Variants in KCNC2 observed in about 807,000 individuals in gnomAD.
KCNC2 encodes the protein voltage-gated potassium channel KCNC2.
Under a neutral mutation model 44.5 loss-of-function variants are expected in KCNC2, and 21 were observed. That is an observed-to-expected ratio of 0.47 (90% CI 0.33 to 0.68). The LOEUF is 0.68. KCNC2 is among the 30% of genes least tolerant of loss of function. The pLI is 0.01. For synonymous variants in KCNC2, 391 were observed against 339.1 expected (o/e 1.15, Z -1.68); for missense variants, 589 against 826.2 (o/e 0.71, Z 3.52).
chr12:75,179,739 C>G (rs115282256), intron 2 of KCNC2, among the ~76,000 whole-genome samples: 8,514 of 91,444 alleles, frequency 0.093, 4 homozygotes, highest in Middle Eastern at 0.21. Context: ...AGATATAAAA[C>G]TAGTTTTATA....
At chr12:75,194,265 G>A (rs761520160) in intron 2 of KCNC2, among the ~76,000 whole-genome samples, 11 of 152,244 alleles carry the variant, frequency 7.2e-5, no homozygotes, top group Non-Finnish European at 1.2e-4. Flanking sequence ...CTGATAAGAA[G>A]AGAAAACAGA....
intron 2 of KCNC2, among the ~76,000 whole-genome samples, chr12:75,147,790 C>T (rs964840021): frequency 6.6e-6 from 1 of 152,028 alleles, no homozygotes; most frequent in African/African-American, 2.4e-5. Context: ...AAGCTCTAGC[C>T]ATGAAGAGAC....
chr12:75,128,193 G>A (rs914001059), intron 2 of KCNC2, among the ~76,000 whole-genome samples: 27 of 152,090 alleles, frequency 1.8e-4, no homozygotes, highest in African/African-American at 6.5e-4. Flanking sequence ...CCTTATTTCT[G>A]CAGAAAATTG....
intron 4 of KCNC2, chr12:75,043,868 G>T (rs962613740): frequency 9.3e-6 from 10 of 1,069,714 alleles, no homozygotes; most frequent in Non-Finnish European, 1.3e-5. Context: ...TATAAATTAA[G>T]TCATAATTTC....
chr12:75,099,985 C>T lies in KCNC2; in HGVS notation c.688-48668G>A, dbSNP rs545761182. On this transcript the variant is annotated intron_variant, in intron 2 of 4. Coordinates refer to ENST00000549446, the MANE Select transcript of KCNC2 (RefSeq NM_139137.4). ...GATTTTTACATTGTTTTTTCAGAACCTCTGGGCTATATGAAAATGTTTTAG... is the reference window on the plus strand; with the variant it reads ...GATTTTTACATTGTTTTTTCAGAACTTCTGGGCTATATGAAAATGTTTTAG... 3.3e-5 allele frequency among the ~76,000 whole-genome samples: 5 copies of T among 151,206 alleles called. No homozygotes were observed. The South Asian group carries it at 1.0e-3, about 32-fold the overall frequency.
At chr12:75,187,972 A>G (rs1203620139) in intron 2 of KCNC2, among the ~76,000 whole-genome samples, 1 of 152,204 alleles carries the variant, frequency 6.6e-6, no homozygotes, top group Admixed American at 6.5e-5. Context: ...TATACTAGGA[A>G]CAGACTATCA....
intron 2 of KCNC2, among the ~76,000 whole-genome samples, chr12:75,158,033 T>C (rs967251579): frequency 3.9e-5 from 6 of 152,030 alleles, no homozygotes; most frequent in Non-Finnish European, 7.4e-5. Context: ...AATTTTGTCA[T>C]TAATCTAATC....
At chr12:75,078,947 A>G (rs377331583) in intron 2 of KCNC2, among the ~76,000 whole-genome samples, 8 of 152,284 alleles carry the variant, frequency 5.3e-5, no homozygotes, top group Admixed American at 3.9e-4. Flanking sequence ...GCTGTACCTG[A>G]CTTTAAGGTA....
chr12:75,186,717 G>T (rs1892981211), intron 2 of KCNC2, among the ~76,000 whole-genome samples: 1 of 152,074 alleles, frequency 6.6e-6, no homozygotes, highest in Admixed American at 6.5e-5. Flanking sequence ...AAGAAAAACT[G>T]CCATTAACTT....
At position 75,048,258 on chromosome 12, in the gene KCNC2, G is replaced by A; in HGVS notation, c.1675C>T (p.Pro559Ser). The change falls in exon 4 of 5, where the codon CCC (proline) becomes TCC (serine). Residue 559 changes from proline (P) to serine (S), a missense_variant. By Grantham distance (74) the Pro-to-Ser change is moderately conservative. Around this residue, in one of 7 missense-constraint regions of KCNC2, gnomAD observed 171 missense variants for 182.4 expected, o/e 0.94. Coordinates refer to ENST00000549446, the MANE Select transcript of KCNC2 (RefSeq NM_139137.4). ...TCTCTGGTACTAGAGCGTCTGATGGGGAGCCTTTCTGGGGGTGATAGTGGC... is the reference window on the plus strand; with the variant it reads ...TCTCTGGTACTAGAGCGTCTGATGGAGAGCCTTTCTGGGGGTGATAGTGGC... ...EPPLSPPERLPIRRSSTRDKN... is the reference protein window; with the variant it reads ...EPPLSPPERLSIRRSSTRDKN... 1.9e-6 allele frequency: 3 copies of A among 1,612,884 alleles called. No individual in the cohort carries two copies. The highest frequency in any genetic ancestry group is 2.5e-6 in the Non-Finnish European group (3 of 1,179,278).
chr12:75,047,139 C>A (rs11180343), intron 4 of KCNC2, among the ~76,000 whole-genome samples: 1 of 151,830 alleles, frequency 6.6e-6, no homozygotes, highest in African/African-American at 2.4e-5. Context: ...AGTTATTTCC[C>A]TATTCTGTCA....
chr12:75,150,089 C>G (rs534050890), intron 2 of KCNC2, among the ~76,000 whole-genome samples: 2 of 151,988 alleles, frequency 1.3e-5, no homozygotes, highest in East Asian at 3.9e-4. Flanking sequence ...TTCTGCACCT[C>G]TATCCAGAGC....
At chr12:75,076,987 C>G (rs1049565729) in intron 2 of KCNC2, among the ~76,000 whole-genome samples, 1 of 150,756 alleles carries the variant, frequency 6.6e-6, no homozygotes, top group Non-Finnish European at 1.5e-5. Context: ...TGTTTGTTTT[C>G]TAAAAAATCT....
At chr12:75,182,544 AAAC>A (rs1892672750) in intron 2 of KCNC2, among the ~76,000 whole-genome samples, 1 of 148,634 alleles carries the variant, frequency 6.7e-6, no homozygotes, top group African/African-American at 2.5e-5. Flanking sequence ...AAAACAAAAA[AAAC>A]AAAAAAAAAC....
chr12:75,154,955 A>G (rs758245186), intron 2 of KCNC2, among the ~76,000 whole-genome samples: 3 of 151,956 alleles, frequency 2.0e-5, no homozygotes, highest in East Asian at 1.9e-4. Context: ...TATTGAGCCT[A>G]TAGAAAAGTA....
intron 2 of KCNC2, among the ~76,000 whole-genome samples, chr12:75,120,680 T>C (rs531481014): frequency 6.6e-6 from 1 of 152,236 alleles, no homozygotes; most frequent in East Asian, 1.9e-4. Flanking sequence ...CTCCTTGGCA[T>C]GTGATTATTA....
chr12:75,102,935 A>G (rs1886491691), intron 2 of KCNC2, among the ~76,000 whole-genome samples: 1 of 152,082 alleles, frequency 6.6e-6, no homozygotes, highest in African/African-American at 2.4e-5. Context: ...TGAATTTCTC[A>G]TATAATATAT....
chr12:75,043,424 G>T (rs534534076), intron 4 of KCNC2, 183 bp from the exon 5 acceptor site: 10 of 1,340,684 alleles, frequency 7.5e-6, no homozygotes, highest in Non-Finnish European at 9.6e-6. Context: ...TTGCCATTTT[G>T]AAAAGATTAA....
intron 2 of KCNC2, among the ~76,000 whole-genome samples, chr12:75,103,542 A>G (rs555911962): frequency 1.3e-5 from 2 of 152,208 alleles, no homozygotes; most frequent in African/African-American, 2.4e-5. Flanking sequence ...ATTTGCTAGC[A>G]AAGATGAGGT....
Sources: gnomAD v4.1 joint callset for allele counts (sites outside exome capture counted in the v4.1 genomes callset) on GRCh38, gnomAD v4.1.1 for gene constraint, gnomAD v4.1.1 regional missense constraint, MANE v1.5 for transcripts, NCBI Gene and HGNC (gene_info 2026-07-23, HGNC 2026-07-21) for gene names.